Variants in SYNPR observed in about 807,000 individuals in gnomAD.
The protein encoded by SYNPR is synaptoporin.
A neutral mutation model predicts 32.9 loss-of-function variants in SYNPR; 23 were observed. The ratio of observed to expected loss-of-function variants is 0.70; its 90% CI spans 0.50 to 0.99. The LOEUF is 0.99. SYNPR is among the 50% of genes least tolerant of loss of function. The pLI is 0.00. For missense variants in SYNPR, 318 were observed against 349.3 expected (o/e 0.91, Z 0.71); for synonymous variants, 146 against 135.9 (o/e 1.07, Z -0.52).
chr3:63,573,367 G>A (rs1478670326), intron 4 of SYNPR, among the ~76,000 whole-genome samples: 1 of 152,026 alleles, frequency 6.6e-6, no homozygotes, highest in Non-Finnish European at 1.5e-5. Flanking sequence ...AGAACATTGT[G>A]AGGTTTCATC....
At chr3:63,437,266 G>A (rs1347847941) in intron 2 of SYNPR, among the ~76,000 whole-genome samples, 3 of 152,120 alleles carry the variant, frequency 2.0e-5, no homozygotes, top group African/African-American at 7.2e-5. Flanking sequence ...CTGGCAAAGG[G>A]TATCACTCTC....
chr3:63,396,161 T>G (rs1262943227), intron 2 of SYNPR, among the ~76,000 whole-genome samples: 1 of 152,226 alleles, frequency 6.6e-6, no homozygotes, highest in Non-Finnish European at 1.5e-5. Context: ...TTTTGTATGA[T>G]ATCCGCTCCA....
intron 2 of SYNPR, among the ~76,000 whole-genome samples, chr3:63,419,499 G>A (rs980729573): frequency 2.6e-5 from 4 of 152,240 alleles, no homozygotes; most frequent in African/African-American, 9.6e-5. Flanking sequence ...GTCCTATCAG[G>A]TCTAAGGCCT....
rs189428583 is a variant in SYNPR at position 63,498,137 on chromosome 3, G to C, written c.209+17181G>C. Among the ~76,000 whole-genome samples, 229 of 152,192 alleles carry C rather than the reference G, an allele frequency of 1.5e-3. 1 individual carries two copies. The highest frequency in any genetic ancestry group is 5.3e-3 in the African/African-American group (222 of 41,546). ...CAAGTGTGTAACCAGATGAGGATAG[G>C]GTGCTTGCCCTCAGCAACAGAACTA... On this transcript the variant is annotated intron_variant, in intron 3 of 5. Transcript: ENST00000478300.
At position 63,417,042 on chromosome 3, in the gene SYNPR, G is replaced by A. The variant is rs554875628; in HGVS notation, c.85-63790G>A. 1.3e-3 allele frequency among the ~76,000 whole-genome samples: 195 copies of A among 152,178 alleles called. 1 individual carries two copies. The highest frequency in any genetic ancestry group is 4.0e-3 in the African/African-American group (166 of 41,534). ...GCTTAACTCATTTCAGCATTAACTC[G>A]AAAATCCACAGTCCAAAATCTCATC... On this transcript the variant is annotated intron_variant, in intron 2 of 5. Coordinates refer to ENST00000478300, the MANE Select transcript of SYNPR (RefSeq NM_001130003.2).
At chr3:63,227,639 T>C (rs139265837), upstream of SYNPR, among the ~76,000 whole-genome samples, 24 of 152,338 alleles carry the variant, frequency 1.6e-4, no homozygotes, top group Middle Eastern at 3.4e-3. Flanking sequence ...TTTGTCCTCA[T>C]TGTTATGAAA....
intron 2 of SYNPR, among the ~76,000 whole-genome samples, chr3:63,367,780 T>A (rs927241638): frequency 5.3e-5 from 8 of 152,164 alleles, no homozygotes; most frequent in African/African-American, 1.9e-4. Context: ...TTTTAAGTAA[T>A]AAAATAATAA....
intron 2 of SYNPR, among the ~76,000 whole-genome samples, chr3:63,261,496 CAT>C (rs767849745): frequency 1.9e-3 from 275 of 144,178 alleles, no homozygotes; most frequent in Admixed American, 2.1e-3. Flanking sequence ...TATTCTCACT[CAT>C]AGCTGGGAAT....
chr3:63,521,360 C>T (rs1043651361), intron 3 of SYNPR, among the ~76,000 whole-genome samples: 6 of 152,192 alleles, frequency 3.9e-5, no homozygotes, highest in Admixed American at 1.3e-4. Flanking sequence ...TAGGAAACTG[C>T]CTGAGTATCT....
At chr3:63,582,004 T>C (rs183591369) in intron 4 of SYNPR, among the ~76,000 whole-genome samples, 167 of 152,244 alleles carry the variant, frequency 1.1e-3, no homozygotes, top group African/African-American at 3.9e-3. Context: ...CCCAGGTGTT[T>C]TCCAATAGAT....
chr3:63,460,781 C>T (rs989478950), intron 2 of SYNPR, among the ~76,000 whole-genome samples: 13 of 151,966 alleles, frequency 8.6e-5, no homozygotes, highest in Admixed American at 2.0e-4. Flanking sequence ...GAAAAGGAGG[C>T]GACACAGTCA....
chr3:63,408,822 T>A (rs2088423627), intron 2 of SYNPR, among the ~76,000 whole-genome samples: 1 of 152,038 alleles, frequency 6.6e-6, no homozygotes, highest in East Asian at 1.9e-4. Flanking sequence ...CAGAGATATA[T>A]CAAGAAATAA....
intron 3 of SYNPR, among the ~76,000 whole-genome samples, chr3:63,511,964 G>T (rs1701706532): frequency 6.6e-6 from 1 of 152,018 alleles, no homozygotes; most frequent in South Asian, 2.1e-4. Context: ...CCCCATACCA[G>T]CCACCCTAAT....
rs1701948245 is a variant in SYNPR, at chr3:63,523,361, G to C, written c.210-33182G>C. ...CTAAAGGGTAGCACTGGCAGTTGCT[G>C]AGGGATGTTAAGGGATTATTCCTGG... On this transcript the variant is annotated intron_variant, in intron 3 of 5. Coordinates refer to ENST00000478300, the MANE Select transcript of SYNPR (RefSeq NM_001130003.2). Among the ~76,000 whole-genome samples the C allele has an allele frequency of 3.9e-5, 6 of 152,128 alleles. No homozygotes were observed. The South Asian group carries it at 1.2e-3, about 32-fold the overall frequency.
intron 2 of SYNPR, among the ~76,000 whole-genome samples, chr3:63,420,685 G>T (rs1054373317): frequency 2.6e-5 from 4 of 152,036 alleles, no homozygotes; most frequent in Admixed American, 6.5e-5. Flanking sequence ...TTTTTTTAAA[G>T]ATAAAGTTAG....
chr3:63,524,846 T>TGTGC (rs1553643524), intron 3 of SYNPR, among the ~76,000 whole-genome samples: 52 of 101,214 alleles, frequency 5.1e-4, no homozygotes, highest in Non-Finnish European at 9.2e-4. Context: ...TGTGTGTGTG[T>TGTGC]GTGTGCATGT....
chr3:63,245,704 AGAGAGAGTGTGTGT>A (rs199961101), intron 1 of SYNPR, among the ~76,000 whole-genome samples: 1,364 of 102,256 alleles, frequency 0.013, 27 homozygotes, highest in East Asian at 0.087. Context: ...AGAGAGAGAG[AGAGAGAGTGTGTGT>A]GTGTGTGTGT....
chr3:63,543,484 A>G (rs770359186), intron 3 of SYNPR, among the ~76,000 whole-genome samples: 2 of 152,132 alleles, frequency 1.3e-5, no homozygotes, highest in Non-Finnish European at 2.9e-5. Context: ...AGTAGAAGAT[A>G]GGTCTTAATC....
At chr3:63,453,363 G>T (rs1700418166) in intron 2 of SYNPR, among the ~76,000 whole-genome samples, 1 of 152,070 alleles carries the variant, frequency 6.6e-6, no homozygotes. Context: ...TCTGGAATCA[G>T]TTTCTCACTA....
Sources: gnomAD v4.1 joint callset for allele counts (sites outside exome capture counted in the v4.1 genomes callset) on GRCh38, gnomAD v4.1.1 for gene constraint, MANE v1.5 for transcripts, NCBI Gene and HGNC (gene_info 2026-07-23, HGNC 2026-07-21) for gene names.